The following AOAH variants were observed in gnomAD, a reference collection of about 807,000 sequenced individuals.
AOAH encodes acyloxyacyl hydrolase, also known as acyloxyacyl hydrolase (neutrophil).
A neutral mutation model predicts 92.2 loss-of-function variants in AOAH; 64 were observed. The observed-to-expected ratio is 0.69, with a 90% CI of 0.57 to 0.86. AOAH has a LOEUF of 0.86. Among genes scored for constraint, AOAH ranks in the 40% least tolerant of loss-of-function variants. The probability of loss-of-function intolerance (pLI) is 0.00; values close to 1 mark genes in which losing one functional copy is unlikely to be tolerated. For synonymous variants in AOAH, 263 were observed against 254.5 expected (o/e 1.03, Z -0.32); for missense variants, 656 against 694.6 (o/e 0.94, Z 0.62).
chr7:36,569,245 A>G (rs1787926926), intron 13 of AOAH, among the ~76,000 whole-genome samples: 1 of 152,166 alleles, frequency 6.6e-6, no homozygotes, highest in South Asian at 2.1e-4. Flanking sequence ...GCTTGCTAAA[A>G]CAAAATGAGG....
intron 1 of AOAH, among the ~76,000 whole-genome samples, chr7:36,689,012 C>T (rs886964835): frequency 5.9e-5 from 9 of 152,074 alleles, no homozygotes; most frequent in Non-Finnish European, 1.2e-4. Flanking sequence ...AGGTTGGTCT[C>T]GAACTCCTGG....
At chr7:36,609,222 A>C (rs1449144333) in intron 11 of AOAH, among the ~76,000 whole-genome samples, 1 of 152,082 alleles carries the variant, frequency 6.6e-6, no homozygotes, top group East Asian at 1.9e-4. Flanking sequence ...TCCCCACTGT[A>C]CTTTTCTAGC....
At chr7:36,535,980 T>G (rs113306516) in intron 16 of AOAH, among the ~76,000 whole-genome samples, 6,551 of 152,266 alleles carry the variant, frequency 0.043, 181 homozygotes, top group Non-Finnish European at 0.065. Context: ...TAGCTACTAG[T>G]AGAGGCTGTG....
intron 3 of AOAH, among the ~76,000 whole-genome samples, chr7:36,672,782 TA>T (rs544240272): frequency 6.6e-6 from 1 of 150,468 alleles, no homozygotes; most frequent in Non-Finnish European, 1.5e-5. Context: ...AACTTAAAGT[TA>T]AAAAAAAATA....
At chr7:36,568,995 T>C (rs1165073897) in intron 13 of AOAH, among the ~76,000 whole-genome samples, 1 of 152,084 alleles carries the variant, frequency 6.6e-6, no homozygotes, top group South Asian at 2.1e-4. Context: ...GAGGGGCAGG[T>C]GAGGCTGTAA....
At chr7:36,677,229 C>A (rs1203574684) in intron 2 of AOAH, among the ~76,000 whole-genome samples, 1 of 152,100 alleles carries the variant, frequency 6.6e-6, no homozygotes, top group South Asian at 2.1e-4. Context: ...AGGACTATTA[C>A]AACTCAATAA....
Position 36,571,242 on chromosome 7 carries a change from C to T in AOAH, c.1021+5332G>A, listed in dbSNP as rs564886784. ...ACAGTTCAGGGTCCACTTTTGCCCCCCTGGGTCTCCCCAGCTGGGTGGGTG... is the reference window on the plus strand; with the variant it reads ...ACAGTTCAGGGTCCACTTTTGCCCCTCTGGGTCTCCCCAGCTGGGTGGGTG... On this transcript the variant is annotated intron_variant, in intron 13 of 20. Transcript: ENST00000617537. Among the ~76,000 whole-genome samples the T allele has an allele frequency of 6.6e-5, 10 of 152,298 alleles. No homozygotes were observed. The South Asian group carries it at 2.1e-3, about 32-fold the overall frequency.
chr7:36,532,402 G>A (rs544456391), intron 16 of AOAH, 58 bp from the exon 17 acceptor site: 1 of 1,517,252 alleles, frequency 6.6e-7, no homozygotes, highest in East Asian at 2.3e-5. Context: ...GCATTTAGAG[G>A]CACCTGGGGG....
At chr7:36,680,443 T>G (rs1796574481) in intron 2 of AOAH, among the ~76,000 whole-genome samples, 1 of 152,222 alleles carries the variant, frequency 6.6e-6, no homozygotes, top group Non-Finnish European at 1.5e-5. Flanking sequence ...GAAAAATAAT[T>G]TAAAAATAAT....
chr7:36,554,050 T>C (rs1490806983), intron 13 of AOAH, among the ~76,000 whole-genome samples: 1 of 152,352 alleles, frequency 6.6e-6, no homozygotes, highest in East Asian at 1.9e-4. Context: ...AGACATGAAG[T>C]CCTTGCCCAT....
At chr7:36,613,785 C>CAATT (rs1206264461) in intron 11 of AOAH, among the ~76,000 whole-genome samples, 2 of 152,204 alleles carry the variant, frequency 1.3e-5, no homozygotes, top group Non-Finnish European at 2.9e-5. Flanking sequence ...AATTTCCTCT[C>CAATT]AATTATTGTT....
chr7:36,527,230 C>T (rs1222083970), intron 19 of AOAH, among the ~76,000 whole-genome samples: 1 of 152,128 alleles, frequency 6.6e-6, no homozygotes, highest in African/African-American at 2.4e-5. Context: ...ATGAATGGGT[C>T]TTGTGCCTAC....
intron 5 of AOAH, among the ~76,000 whole-genome samples, chr7:36,634,123 A>C (rs2116267713): frequency 2.0e-5 from 3 of 152,320 alleles, no homozygotes; most frequent in Middle Eastern, 6.8e-3. Flanking sequence ...TAGCTGACTA[A>C]GATCAGGATT....
intron 19 of AOAH, among the ~76,000 whole-genome samples, chr7:36,522,857 G>T (rs900440771): frequency 6.6e-6 from 1 of 152,136 alleles, no homozygotes; most frequent in Non-Finnish European, 1.5e-5. Context: ...CGTCCAGTGA[G>T]GGGGGCAGGC....
chr7:36,605,954 C>G (rs1790970006), intron 11 of AOAH, among the ~76,000 whole-genome samples: 1 of 152,242 alleles, frequency 6.6e-6, no homozygotes, highest in Non-Finnish European at 1.5e-5. Flanking sequence ...TGAGGTTTCT[C>G]TCCTCATCAC....
At chr7:36,708,158 G>A (rs965984421) in intron 1 of AOAH, among the ~76,000 whole-genome samples, 11 of 62,558 alleles carry the variant, frequency 1.8e-4, no homozygotes, top group African/African-American at 2.7e-4. Context: ...CTCCTCTCCC[G>A]GAACTCCCGT....
intron 2 of AOAH, among the ~76,000 whole-genome samples, chr7:36,684,904 C>A (rs57543298): frequency 2.4e-5 from 1 of 42,442 alleles, no homozygotes; most frequent in African/African-American, 1.1e-4. Flanking sequence ...GAGACCTTGT[C>A]TCAAAAAAAA....
chr7:36,602,272 C>A (rs1790668056), intron 11 of AOAH, among the ~76,000 whole-genome samples: 1 of 152,066 alleles, frequency 6.6e-6, no homozygotes, highest in African/African-American at 2.4e-5. Flanking sequence ...ACCTTGTCAG[C>A]TCCTCTTAGT....
intron 16 of AOAH, among the ~76,000 whole-genome samples, chr7:36,532,822 C>G (rs1003280220): frequency 1.2e-4 from 18 of 152,092 alleles, no homozygotes; most frequent in African/African-American, 4.1e-4. Context: ...CCGAATTATC[C>G]CACACTGAGG....
Sources: allele counts gnomAD v4.1 joint callset (sites outside exome capture counted in the v4.1 genomes callset), GRCh38; gene constraint gnomAD v4.1.1; transcripts MANE v1.5; gene names NCBI Gene and HGNC (gene_info 2026-07-23, HGNC 2026-07-21).